PARG: variants seen among roughly 807,000 people sequenced by gnomAD.
The protein encoded by PARG is poly(ADP-ribose) glycohydrolase.
A neutral mutation model predicts 113.0 loss-of-function variants in PARG; 35 were observed. The observed-to-expected ratio is 0.31, with a 90% CI of 0.24 to 0.41. The LOEUF is 0.41. Among genes scored for constraint, PARG ranks in the 10% least tolerant of loss-of-function variants. The pLI is 1.00. For synonymous variants in PARG, 330 were observed against 409.9 expected (o/e 0.81, Z 2.36); for missense variants, 797 against 1,169.4 (o/e 0.68, Z 4.64).
chr10:49,842,983 C>T (rs782369476), intron 14 of PARG, among the ~76,000 whole-genome samples: 11 of 152,122 alleles, frequency 7.2e-5, no homozygotes, highest in Non-Finnish European at 1.2e-4. Flanking sequence ...AAACAAAAAA[C>T]CCCACAAGCT....
intron 7 of PARG, among the ~76,000 whole-genome samples, chr10:49,900,289 A>G (rs1299166894): frequency 6.6e-6 from 1 of 151,842 alleles, no homozygotes; most frequent in Non-Finnish European, 1.5e-5. Context: ...ACTCTGCATT[A>G]GTTTTTCACT....
chr10:49,841,377 T>C (rs1277348213), intron 15 of PARG, among the ~76,000 whole-genome samples: 1 of 152,214 alleles, frequency 6.6e-6, no homozygotes, highest in Non-Finnish European at 1.5e-5. Context: ...AGCTCTCTGT[T>C]GTGTAACAGA....
intron 8 of PARG, among the ~76,000 whole-genome samples, chr10:49,880,127 A>G (rs1242771941): frequency 2.0e-5 from 3 of 152,294 alleles, no homozygotes; most frequent in Admixed American, 2.0e-4. Context: ...ATAAAAACAC[A>G]TTGCCCATGT....
At chr10:49,937,751 G>C (rs1214738708) in intron 1 of PARG, among the ~76,000 whole-genome samples, 3 of 152,190 alleles carry the variant, frequency 2.0e-5, no homozygotes, top group African/African-American at 7.2e-5. Flanking sequence ...CCCTGAGAAT[G>C]TGTTCTCTCT....
At chr10:49,863,190 C>A (rs1430394616) in intron 11 of PARG, among the ~76,000 whole-genome samples, 3 of 111,010 alleles carry the variant, frequency 2.7e-5, no homozygotes, top group Admixed American at 2.1e-4. Context: ...TGCTGATAAT[C>A]AAAGGGTTAA....
intron 6 of PARG, among the ~76,000 whole-genome samples, chr10:49,918,384 A>G (rs757412824): frequency 4.6e-5 from 7 of 152,206 alleles, no homozygotes; most frequent in Non-Finnish European, 1.0e-4. Context: ...ATTAAGCTTT[A>G]GCTTGTATTT....
intron 13 of PARG, among the ~76,000 whole-genome samples, chr10:49,848,135 G>A (rs2132477675): frequency 6.6e-6 from 1 of 150,522 alleles, no homozygotes; most frequent in South Asian, 2.1e-4. Context: ...CGGATCACAA[G>A]GTCAAGAGAT....
intron 7 of PARG, among the ~76,000 whole-genome samples, chr10:49,886,990 A>G (rs1554840556): frequency 6.6e-6 from 1 of 152,140 alleles, no homozygotes; most frequent in African/African-American, 2.4e-5. Flanking sequence ...ATGAAAATGT[A>G]TAAAATATAT....
intron 7 of PARG, among the ~76,000 whole-genome samples, chr10:49,907,816 T>C (rs1168202771): frequency 2.0e-5 from 3 of 152,146 alleles, no homozygotes; most frequent in Admixed American, 6.5e-5. Flanking sequence ...GATAGAGATA[T>C]AAATCATGGG....
chr10:49,837,391 C>CAT (rs201631642), intron 15 of PARG, among the ~76,000 whole-genome samples: 1 of 135,630 alleles, frequency 7.4e-6, no homozygotes, highest in African/African-American at 2.8e-5. Context: ...CTCTGGCATG[C>CAT]ATATATACAC....
chr10:49,904,977 A>AAC (rs1848509311), intron 7 of PARG, among the ~76,000 whole-genome samples: 2 of 152,204 alleles, frequency 1.3e-5, no homozygotes, highest in African/African-American at 4.8e-5. Flanking sequence ...AGTCATGCTG[A>AAC]ACACTAAAAG....
At chr10:49,914,808 A>G (rs1169817260) in intron 7 of PARG, among the ~76,000 whole-genome samples, 2 of 152,222 alleles carry the variant, frequency 1.3e-5, no homozygotes, top group Non-Finnish European at 2.9e-5. Flanking sequence ...CTGGTTTTGA[A>G]AAGGTGCCAA....
At chr10:49,891,630 T>A (rs1386657254) in intron 7 of PARG, among the ~76,000 whole-genome samples, 57 of 96,688 alleles carry the variant, frequency 5.9e-4, no homozygotes, top group East Asian at 8.5e-4. Context: ...TATATTTTTT[T>A]TTTTTTTTTT....
chr10:49,926,031 A>G (rs1327541571), intron 4 of PARG, among the ~76,000 whole-genome samples: 1 of 152,240 alleles, frequency 6.6e-6, no homozygotes, highest in Non-Finnish European at 1.5e-5. Flanking sequence ...CGGTTAGCTA[A>G]ACATTTGATT....
At chr10:49,921,296 C>A (rs554386957) in intron 6 of PARG, among the ~76,000 whole-genome samples, 1 of 152,290 alleles carries the variant, frequency 6.6e-6, no homozygotes, top group East Asian at 1.9e-4. Context: ...ACCCCGTAAT[C>A]CTACCTGATT....
intron 7 of PARG, among the ~76,000 whole-genome samples, chr10:49,890,360 C>T (rs1163039121): frequency 2.0e-5 from 3 of 152,106 alleles, no homozygotes; most frequent in Non-Finnish European, 2.9e-5. Flanking sequence ...AGGATTGATA[C>T]AATAAATTTC....
intron 7 of PARG, among the ~76,000 whole-genome samples, chr10:49,908,820 G>A (rs1170919170): frequency 6.6e-6 from 1 of 152,072 alleles, no homozygotes; most frequent in Non-Finnish European, 1.5e-5. Context: ...ATCATGGAAG[G>A]AGGCCACATT....
intron 16 of PARG, among the ~76,000 whole-genome samples, chr10:49,826,061 A>G (rs2132364182): frequency 6.6e-6 from 1 of 152,314 alleles, no homozygotes; most frequent in Non-Finnish European, 1.5e-5. Flanking sequence ...GCGCTCAAAA[A>G]CTTTTGGTAA....
chr10:49,935,054 C>G (rs1367071237), intron 2 of PARG, 22 bp downstream of exon 2: 87 of 710,624 alleles, frequency 1.2e-4, no homozygotes, highest in Non-Finnish European at 2.0e-4. Context: ...ATTCATTTCT[C>G]TACATAGGAA....
Sources: gnomAD v4.1 joint callset for allele counts (sites outside exome capture counted in the v4.1 genomes callset) on GRCh38, gnomAD v4.1.1 for gene constraint, MANE v1.5 for transcripts, NCBI Gene and HGNC (gene_info 2026-07-23, HGNC 2026-07-21) for gene names.